The following DTNA variants were observed in gnomAD, a reference collection of about 807,000 sequenced individuals.
DTNA encodes the protein dystrophin-related protein 3.
Under a neutral mutation model 100.7 loss-of-function variants are expected in DTNA, and 43 were observed. The observed-to-expected ratio is 0.43, with a 90% CI of 0.33 to 0.55. The LOEUF (loss-of-function observed/expected upper bound fraction) is 0.55. Ranked by LOEUF, DTNA falls within the 20% of genes least tolerant of loss-of-function variation. The probability of loss-of-function intolerance (pLI) is 0.04; values close to 1 mark genes in which losing one functional copy is unlikely to be tolerated. For synonymous variants in DTNA, 349 were observed against 347.9 expected (o/e 1.00, Z -0.04); for missense variants, 798 against 953.9 (o/e 0.84, Z 2.15).
At chr18:34,525,123 G>A (rs1029800635) in intron 1 of DTNA, among the ~76,000 whole-genome samples, 1 of 152,058 alleles carries the variant, frequency 6.6e-6, no homozygotes, top group African/African-American at 2.4e-5. Context: ...TTCATCTGGG[G>A]ACTGAGATGA....
At chr18:34,752,546 T>C (rs1019722644) in intron 1 of DTNA, among the ~76,000 whole-genome samples, 4 of 152,248 alleles carry the variant, frequency 2.6e-5, no homozygotes, top group African/African-American at 9.6e-5. Flanking sequence ...CTCCCATTTT[T>C]ACTATTATGA....
At chr18:34,821,326 T>C in intron 9 of DTNA, 1 of 411,042 alleles carries the variant, frequency 2.4e-6, no homozygotes, top group Non-Finnish European at 4.8e-6. Context: ...AGACCCAGTT[T>C]AAGATGCCAG....
At chr18:34,619,712 G>T (rs980299546) in intron 1 of DTNA, among the ~76,000 whole-genome samples, 2 of 152,134 alleles carry the variant, frequency 1.3e-5, no homozygotes, top group South Asian at 4.1e-4. Context: ...GACATTTTGA[G>T]TTGGAGGTTT....
At chr18:34,842,620 A>C (rs565045838) in intron 13 of DTNA, among the ~76,000 whole-genome samples, 90 of 152,046 alleles carry the variant, frequency 5.9e-4, no homozygotes, top group African/African-American at 2.1e-3. Context: ...CCTCCAACGA[A>C]CCAAGCTCTT....
intron 5 of DTNA, among the ~76,000 whole-genome samples, chr18:34,807,878 G>GA (rs556641813): frequency 0.16 from 14,771 of 91,390 alleles, 848 homozygotes; most frequent in African/African-American, 0.22. Flanking sequence ...CAAAAAAAAA[G>GA]AAAAAAAAAA....
At chr18:34,732,112 A>G (rs2088403050) in intron 1 of DTNA, among the ~76,000 whole-genome samples, 1 of 152,206 alleles carries the variant, frequency 6.6e-6, no homozygotes, top group Non-Finnish European at 1.5e-5. Context: ...CTGTTTCCAC[A>G]CTGTCTCACT....
intron 1 of DTNA, among the ~76,000 whole-genome samples, chr18:34,505,149 G>A (rs1323541445): frequency 2.0e-5 from 3 of 152,186 alleles, no homozygotes; most frequent in Admixed American, 6.5e-5. Context: ...CCTTCTGGAG[G>A]TTCTAAGGAA....
intron 1 of DTNA, among the ~76,000 whole-genome samples, chr18:34,645,681 C>T (rs916001582): frequency 2.6e-5 from 4 of 152,058 alleles, no homozygotes; most frequent in African/African-American, 9.7e-5. Context: ...CAAGCACACC[C>T]TATGAATATT....
chr18:34,495,168 T>C (rs2039051098), intron 1 of DTNA, among the ~76,000 whole-genome samples: 1 of 152,236 alleles, frequency 6.6e-6, no homozygotes, highest in Non-Finnish European at 1.5e-5. Context: ...TCTTCTATAC[T>C]GACCACATCT....
At chr18:34,812,693 G>C (rs141955536) in intron 6 of DTNA, among the ~76,000 whole-genome samples, 12 of 152,128 alleles carry the variant, frequency 7.9e-5, no homozygotes, top group African/African-American at 2.9e-4. Context: ...TCAACACCTG[G>C]GAATTACAGT....
chr18:34,850,171 G>T (rs111352299), intron 14 of DTNA, among the ~76,000 whole-genome samples: 2,073 of 152,282 alleles, frequency 0.014, 30 homozygotes, highest in African/African-American at 0.048. Context: ...ATGACACTTG[G>T]TTAGAAAGGA....
intron 1 of DTNA, among the ~76,000 whole-genome samples, chr18:34,691,907 A>G (rs1170536708): frequency 1.3e-5 from 2 of 152,172 alleles, no homozygotes; most frequent in East Asian, 3.9e-4. Flanking sequence ...TGAACTTCTC[A>G]TGGATCATAG....
At chr18:34,685,764 C>G (rs2078804446) in intron 1 of DTNA, among the ~76,000 whole-genome samples, 1 of 152,182 alleles carries the variant, frequency 6.6e-6, no homozygotes, top group South Asian at 2.1e-4. Context: ...TTCTTCCTAT[C>G]CATGAGCATG....
At chr18:34,753,366 A>ATTTTATTTTATTT (rs2092500633) in intron 1 of DTNA, among the ~76,000 whole-genome samples, 4 of 133,150 alleles carry the variant, frequency 3.0e-5, no homozygotes, top group African/African-American at 9.6e-5. Flanking sequence ...TATTTATTTT[A>ATTTTATTTTATTT]TTTTTTTTTT....
chr18:34,530,944 C>T (rs2043082493), intron 1 of DTNA, among the ~76,000 whole-genome samples: 1 of 152,136 alleles, frequency 6.6e-6, no homozygotes, highest in Admixed American at 6.6e-5. Context: ...CTCTCTCCTC[C>T]TCTCTCCACC....
At chr18:34,516,803 A>G (rs937688081) in intron 1 of DTNA, among the ~76,000 whole-genome samples, 2 of 152,034 alleles carry the variant, frequency 1.3e-5, no homozygotes, top group Admixed American at 6.6e-5. Flanking sequence ...CGGATTCCAT[A>G]TTGTTCAAAC....
At chr18:34,872,477 G>A (rs2096774842) in intron 17 of DTNA, among the ~76,000 whole-genome samples, 1 of 152,116 alleles carries the variant, frequency 6.6e-6, no homozygotes, top group South Asian at 2.1e-4. Flanking sequence ...CCAGAATTTG[G>A]CATTTATCTG....
intron 1 of DTNA, among the ~76,000 whole-genome samples, chr18:34,601,663 C>G (rs1341011233): frequency 6.6e-6 from 1 of 152,244 alleles, no homozygotes; most frequent in Non-Finnish European, 1.5e-5. Flanking sequence ...CACCTGCGAT[C>G]TGATACTAAT....
chr18:34,528,206 C>T (rs2042816293), intron 1 of DTNA, among the ~76,000 whole-genome samples: 1 of 152,068 alleles, frequency 6.6e-6, no homozygotes, highest in African/African-American at 2.4e-5. Flanking sequence ...TGAAATTAGA[C>T]AATTGACTGG....
Sources: gnomAD v4.1 joint callset for allele counts (sites outside exome capture counted in the v4.1 genomes callset) on GRCh38, gnomAD v4.1.1 for gene constraint, MANE v1.5 for transcripts, NCBI Gene and HGNC (gene_info 2026-07-23, HGNC 2026-07-21) for gene names.